NGLY1: variants seen among roughly 807,000 people sequenced by gnomAD.
The protein encoded by NGLY1 is peptide-N(4)-(N-acetyl-beta-glucosaminyl)asparagine amidase.
NGLY1 carries 68 observed loss-of-function variants against 84.6 expected under a neutral mutation model. The observed-to-expected ratio is 0.80, with a 90% CI of 0.66 to 0.98. The LOEUF (loss-of-function observed/expected upper bound fraction) is 0.98, where lower values mean the gene tolerates loss of function less well. Ranked by LOEUF, NGLY1 falls within the 50% of genes least tolerant of loss-of-function variation. The pLI is 0.00. For missense variants in NGLY1, 779 were observed against 770.2 expected, an observed-to-expected ratio of 1.01 and a Z score of -0.14; for synonymous variants, 280 against 275.2, an observed-to-expected ratio of 1.02 and a Z score of -0.17.
chr3:25,729,089 T>A, intron 10 of NGLY1, 44 bp downstream of exon 10: 1 of 1,275,444 alleles, frequency 7.8e-7, no homozygotes, highest in South Asian at 2.5e-5. Flanking sequence ...TATATTTGTT[T>A]AAACAATGAC....
At chr3:25,781,168 C>T (rs1445205072) in intron 1 of NGLY1, among the ~76,000 whole-genome samples, 2 of 152,092 alleles carry the variant, frequency 1.3e-5, no homozygotes, top group African/African-American at 4.8e-5. Context: ...CCAGGCTGGT[C>T]TCAAACTCCT....
In NGLY1 at chr3:25,783,407, G is replaced by C. The variant is rs1457703653; in HGVS notation, c.-17C>G. 1 of 1,522,682 alleles carries C rather than the reference G, an allele frequency of 6.6e-7. No individual in the cohort carries two copies. Among genetic ancestry groups the C allele is most frequent in the South Asian group, 1.2e-5 (1 of 82,934 alleles). The allele number at this position is 1,522,682 out of a possible 1,614,324, so 94.3% of individuals were successfully genotyped here. A position where few individuals can be genotyped will look rare whatever the true frequency, so the allele number is the denominator to read the frequency against. On this transcript the variant is annotated 5_prime_UTR_variant, in exon 1 of 12. Coordinates refer to ENST00000280700, the MANE Select transcript of NGLY1 (RefSeq NM_018297.4). This position sits in a 1 kb window ranked among gnomAD's most constrained non-coding sequence, Gnocchi z 4.5. ...CGCCGCCATGCTTGAGCGCCAGCGG[G>C]CGCCGCCGCCGCCCCTCGCTCTCCG...
chr3:25,745,812 A>G (rs1706395625), intron 4 of NGLY1, among the ~76,000 whole-genome samples: 1 of 152,234 alleles, frequency 6.6e-6, no homozygotes, highest in African/African-American at 2.4e-5. Context: ...GATGTCACTC[A>G]GAGTTTCAAT....
chr3:25,749,595 G>A (rs544757963), intron 4 of NGLY1: 47 of 1,491,836 alleles, frequency 3.2e-5, no homozygotes, highest in African/African-American at 2.3e-4. Flanking sequence ...TGTAACTGGC[G>A]GAAACCCAGA....
chr3:25,742,038 T>TA (rs368557659), intron 4 of NGLY1, among the ~76,000 whole-genome samples: 3 of 152,152 alleles, frequency 2.0e-5, no homozygotes, highest in African/African-American at 7.2e-5. Context: ...AGAACTTCTA[T>TA]AAATCAGTAA....
At chr3:25,780,632 G>T (rs1296957578) in intron 1 of NGLY1, among the ~76,000 whole-genome samples, 2 of 151,898 alleles carry the variant, frequency 1.3e-5, no homozygotes, top group African/African-American at 2.4e-5. Context: ...TTTTTGTTTT[G>T]TTTTTTAAAA....
intron 4 of NGLY1, among the ~76,000 whole-genome samples, chr3:25,750,814 C>G (rs1366991920): frequency 2.0e-5 from 3 of 152,146 alleles, no homozygotes; most frequent in Non-Finnish European, 2.9e-5. Context: ...ACAACTGTCC[C>G]TCAGTATATG....
intron 3 of NGLY1, chr3:25,755,180 C>T: frequency 1.6e-6 from 2 of 1,280,388 alleles, no homozygotes; most frequent in South Asian, 1.2e-5. Flanking sequence ...TACCTCTCTT[C>T]CCCCAAGAGG....
At chr3:25,729,998 A>T (rs1273379318) in intron 9 of NGLY1, 2 of 151,946 alleles carry the variant, frequency 1.3e-5, no homozygotes, top group Non-Finnish European at 2.9e-5. Context: ...ATTCTTTCTC[A>T]TCCTGAGTCC....
At chr3:25,752,131 A>C (rs1161264548) in intron 3 of NGLY1, among the ~76,000 whole-genome samples, 1 of 152,246 alleles carries the variant, frequency 6.6e-6, no homozygotes, top group East Asian at 1.9e-4. Flanking sequence ...CAATGACAGC[A>C]AATACAGAAA....
exon 1 of NGLY1, chr3:25,789,887 A>C (rs1313765078): frequency 6.4e-7 from 1 of 1,551,550 alleles, no homozygotes; most frequent in Non-Finnish European, 8.7e-7. Flanking sequence ...CAGGTCCTCG[A>C]TTATCGGCGA....
At chr3:25,748,280 A>T (rs2125505377) in intron 4 of NGLY1, among the ~76,000 whole-genome samples, 1 of 152,306 alleles carries the variant, frequency 6.6e-6, no homozygotes, top group East Asian at 1.9e-4. Flanking sequence ...ATAGGGCTCC[A>T]GTATAATAAC....
At chr3:25,743,214 A>G (rs1706243299) in intron 4 of NGLY1, among the ~76,000 whole-genome samples, 1 of 152,146 alleles carries the variant, frequency 6.6e-6, no homozygotes, top group South Asian at 2.1e-4. Flanking sequence ...TGTGATAATG[A>G]TTTTGGATTT....
At chr3:25,781,681 G>A (rs7648512) in intron 1 of NGLY1, among the ~76,000 whole-genome samples, 5,735 of 152,222 alleles carry the variant, frequency 0.038, 362 homozygotes, top group African/African-American at 0.13. Context: ...TCATCAACAA[G>A]AGCAAACTCC....
intron 9 of NGLY1, 51 bp downstream of exon 9, chr3:25,732,268 T>C (rs1186385751): frequency 5.1e-6 from 8 of 1,555,436 alleles, no homozygotes; most frequent in African/African-American, 4.1e-5. Flanking sequence ...AAGAGCATAG[T>C]ATATGAAGCA....
chr3:25,757,877 A>C (rs1707120047), intron 3 of NGLY1, among the ~76,000 whole-genome samples: 1 of 152,354 alleles, frequency 6.6e-6, no homozygotes, highest in South Asian at 2.1e-4. Context: ...ACCCTGAGGT[A>C]AGAGAAAAAA....
chr3:25,751,145 T>C lies in NGLY1; in HGVS notation c.611A>G (p.Lys204Arg), dbSNP rs763192562. 1.9e-6 allele frequency: 3 copies of C among 1,613,826 alleles called. No homozygotes were observed. Among genetic ancestry groups the C allele is most frequent in the Non-Finnish European group, 2.5e-6 (3 of 1,179,858 alleles). Reference sequence around the variant, plus strand: ...CGATAACTTTTCTTGTGATTTCCTTTTTAGTTCTTGGACCGGAATACAAGC... The same window carrying C: ...CGATAACTTTTCTTGTGATTTCCTTCTTAGTTCTTGGACCGGAATACAAGC... ...ALACIPVQELKRKSQEKLSRA... is the reference protein window; with the variant it reads ...ALACIPVQELRRKSQEKLSRA... Residue 204 changes from lysine (K) to arginine (R), a missense_variant, in exon 4 of 12, where the codon AAA (lysine) becomes AGA (arginine). Transcript: ENST00000280700.
intron 5 of NGLY1, 66 bp from the exon 6 acceptor site, chr3:25,737,521 T>A: frequency 1.0e-5 from 13 of 1,263,708 alleles, no homozygotes; most frequent in African/African-American, 3.0e-5. Context: ...TTACATTACC[T>A]CTATGCTAAA....
chr3:25,772,998 C>T (rs1386830615), intron 2 of NGLY1, among the ~76,000 whole-genome samples: 1 of 152,190 alleles, frequency 6.6e-6, no homozygotes, highest in Non-Finnish European at 1.5e-5. Context: ...GAGAAATCTG[C>T]TGTTAATCTG....
Sources: allele counts gnomAD v4.1 joint callset (sites outside exome capture counted in the v4.1 genomes callset), GRCh38; gene constraint gnomAD v4.1.1; non-coding constraint Gnocchi (gnomAD v3.1); transcripts MANE v1.5; gene names NCBI Gene and HGNC (gene_info 2026-07-23, HGNC 2026-07-21).